HMCN1: variants seen among roughly 807,000 people sequenced by gnomAD.
HMCN1 encodes hemicentin 1.
A neutral mutation model predicts 625.9 loss-of-function variants in HMCN1; 321 were observed. The ratio of observed to expected loss-of-function variants is 0.51; its 90% confidence interval spans 0.47 to 0.56. The LOEUF is 0.56. Among genes scored for constraint, HMCN1 ranks in the 20% least tolerant of loss-of-function variants. HMCN1 has a pLI of 0.00. For missense variants in HMCN1, 6,588 were observed against 6,887.3 expected (o/e 0.96, Z 1.54); for synonymous variants, 2,425 against 2,417.6 (o/e 1.00, Z -0.09).
At chr1:186,085,152 G>A (rs948840614) in intron 57 of HMCN1, among the ~76,000 whole-genome samples, 2 of 152,036 alleles carry the variant, frequency 1.3e-5, no homozygotes, top group African/African-American at 2.4e-5. Flanking sequence ...GCGACTTGTC[G>A]TTTTGTGTCT....
At chr1:186,174,783 A>C (rs1421069162) in intron 103 of HMCN1, 141 bp downstream of exon 103, 1 of 767,310 alleles carries the variant, frequency 1.3e-6, no homozygotes. Flanking sequence ...TACGTCATTC[A>C]ACACAATTTG....
intron 52 of HMCN1, among the ~76,000 whole-genome samples, chr1:186,072,637 C>T (rs529393931): frequency 2.0e-5 from 3 of 152,146 alleles, no homozygotes; most frequent in Non-Finnish European, 4.4e-5. Context: ...GGGAAGACCT[C>T]ACTGATAAGG....
intron 1 of HMCN1, among the ~76,000 whole-genome samples, chr1:185,803,836 A>T (rs1195928176): frequency 6.6e-6 from 1 of 152,086 alleles, no homozygotes; most frequent in Admixed American, 6.6e-5. Context: ...ATTGGAAGAG[A>T]TTATATCCAA....
chr1:185,842,688 G>C (rs1463408749), intron 1 of HMCN1, among the ~76,000 whole-genome samples: 1 of 151,836 alleles, frequency 6.6e-6, no homozygotes, highest in Admixed American at 6.6e-5. Flanking sequence ...CTATGACAGT[G>C]CCACTGCACT....
chr1:185,948,281 A>T (rs563618714), intron 11 of HMCN1, among the ~76,000 whole-genome samples: 1 of 152,292 alleles, frequency 6.6e-6, no homozygotes, highest in South Asian at 2.1e-4. Flanking sequence ...TACCCATTTC[A>T]TGCGTGTCCA....
At chr1:186,171,100 A>G (rs554303853) in intron 100 of HMCN1, among the ~76,000 whole-genome samples, 6 of 152,316 alleles carry the variant, frequency 3.9e-5, no homozygotes, top group East Asian at 1.9e-4. Context: ...AGAGTGTTTC[A>G]TTGACATAGT....
At chr1:185,893,187 C>G (rs946448730) in intron 4 of HMCN1, among the ~76,000 whole-genome samples, 1 of 152,238 alleles carries the variant, frequency 6.6e-6, no homozygotes, top group African/African-American at 2.4e-5. Flanking sequence ...GGTGCCTGCA[C>G]CCAGTGACCT....
At chr1:186,110,381 A>G (rs1016614563) in intron 71 of HMCN1, among the ~76,000 whole-genome samples, 2 of 152,208 alleles carry the variant, frequency 1.3e-5, no homozygotes, top group Admixed American at 1.3e-4. Context: ...GAGGACTCAG[A>G]AATAGGATTA....
intron 33 of HMCN1, among the ~76,000 whole-genome samples, chr1:186,017,407 AC>A (rs1654435051): frequency 6.6e-6 from 1 of 152,066 alleles, no homozygotes; most frequent in Admixed American, 6.6e-5. Flanking sequence ...GAAATGTTTA[AC>A]AGACTACTAA....
intron 1 of HMCN1, among the ~76,000 whole-genome samples, chr1:185,747,741 G>T (rs1356780243): frequency 6.6e-6 from 1 of 152,174 alleles, no homozygotes; most frequent in Non-Finnish European, 1.5e-5. Flanking sequence ...AATTATGTAT[G>T]GGTTCTAAAA....
intron 2 of HMCN1, among the ~76,000 whole-genome samples, chr1:185,847,995 T>C (rs1019945492): frequency 6.6e-6 from 1 of 152,110 alleles, no homozygotes; most frequent in Non-Finnish European, 1.5e-5. Context: ...TTTTTAAATA[T>C]GTATGTTCAA....
At chr1:186,141,574 A>G (rs1649965555) in intron 89 of HMCN1, among the ~76,000 whole-genome samples, 1 of 152,162 alleles carries the variant, frequency 6.6e-6, no homozygotes, top group Non-Finnish European at 1.5e-5. Context: ...TAAAATACAT[A>G]TATAGCTACA....
chr1:185,802,288 T>C (rs1658851579), intron 1 of HMCN1, among the ~76,000 whole-genome samples: 1 of 152,108 alleles, frequency 6.6e-6, no homozygotes, highest in South Asian at 2.1e-4. Flanking sequence ...GGTGAAATGA[T>C]AAATTTTTGT....
chr1:186,064,646 A>G (rs975106632), intron 48 of HMCN1, among the ~76,000 whole-genome samples: 10 of 151,916 alleles, frequency 6.6e-5, no homozygotes, highest in African/African-American at 2.2e-4. Context: ...CGTCTCTACT[A>G]AAAATACAAA....
rs889759510 is a variant in HMCN1, at chr1:185,797,757, G to A, written c.269-48269G>A. On this transcript the variant is annotated intron_variant, in intron 1 of 106. Transcript: ENST00000271588. ...CGAGGCGGGCGGATCACGAGGTCAG[G>A]AGATCGAGACCATCCCGGCTAAAAC... is the stretch of plus-strand genomic sequence containing the variant. Among the ~76,000 whole-genome samples the A allele has an allele frequency of 2.2e-4, 29 of 129,120 alleles. 3 individuals carry two copies. Among genetic ancestry groups the A allele is most frequent in the East Asian group, 9.8e-4 (5 of 5,116 alleles). The allele number at this position is 129,120 out of a possible 152,430, so 84.7% of individuals were successfully genotyped here.
At chr1:186,101,640 C>A (rs1263493997) in intron 68 of HMCN1, among the ~76,000 whole-genome samples, 2 of 151,932 alleles carry the variant, frequency 1.3e-5, no homozygotes, top group East Asian at 1.9e-4. Flanking sequence ...CAGGTAAGAT[C>A]TGGACAGTCT....
At chr1:186,115,068 G>T (rs1571371970) in intron 74 of HMCN1, 122 bp downstream of exon 74, 1 of 1,463,940 alleles carries the variant, frequency 6.8e-7, no homozygotes, top group East Asian at 2.3e-5. Flanking sequence ...ATTATGGTAT[G>T]AATAGCAAGC....
At position 185,997,450 on chromosome 1, in the gene HMCN1, T is replaced by A. The variant is rs2102052566; in HGVS notation, c.3800T>A (p.Leu1267Gln). The part of the protein sequence containing the change: ...HVQEPPTVED[L>Q]EPPYNTTFQE... The stretch of plus-strand genomic sequence containing the variant: ...ATAGAACCACCCACAGTGGAAGATC[T>A]AGAACCTCCATATAACACTACTTTC... The change falls in exon 25 of 107, where the codon CTA (leucine) becomes CAA (glutamine). Residue 1267 changes from leucine to glutamine, a missense_variant. Around this residue, in one of 3 missense-constraint regions of HMCN1, gnomAD observed 4,628 missense variants for 4,853.1 expected, o/e 0.95. Transcript: ENST00000271588. The A allele has an allele frequency of 6.2e-7, 1 of 1,611,728 alleles. No homozygotes were observed. Among genetic ancestry groups the A allele is most frequent in the East Asian group, 2.2e-5 (1 of 44,804 alleles).
intron 1 of HMCN1, among the ~76,000 whole-genome samples, chr1:185,767,765 A>G (rs1655966118): frequency 6.6e-6 from 1 of 152,204 alleles, no homozygotes. Context: ...CAGGCATAAT[A>G]GATCATATTT....
Sources: gnomAD v4.1 joint callset for allele counts (sites outside exome capture counted in the v4.1 genomes callset) on GRCh38, gnomAD v4.1.1 for gene constraint, gnomAD v4.1.1 regional missense constraint, MANE v1.5 for transcripts, NCBI Gene and HGNC (gene_info 2026-07-23, HGNC 2026-07-21) for gene names.